ROBO1: variants seen among roughly 807,000 people sequenced by gnomAD.
The protein encoded by ROBO1 is roundabout homolog 1.
ROBO1 carries 149 observed loss-of-function variants against 195.9 expected under a neutral mutation model. The observed-to-expected ratio is 0.76, with a 90% CI of 0.67 to 0.87. The LOEUF (loss-of-function observed/expected upper bound fraction) is 0.87, where lower values mean the gene tolerates loss of function less well. ROBO1 is among the 40% of genes least tolerant of loss of function. ROBO1 has a pLI of 0.00. For synonymous variants in ROBO1, 816 were observed against 733.2 expected (o/e 1.11, Z -1.82); for missense variants, 1,933 against 2,068.3 (o/e 0.93, Z 1.27).
chr3:79,719,547 A>G (rs900713358), intron 1 of ROBO1, among the ~76,000 whole-genome samples: 3 of 152,160 alleles, frequency 2.0e-5, no homozygotes, highest in Non-Finnish European at 4.4e-5. Flanking sequence ...GCATTATCCA[A>G]TGTTGGTGGG....
chr3:79,481,524 T>C (rs1319529591), intron 2 of ROBO1, among the ~76,000 whole-genome samples: 1 of 152,194 alleles, frequency 6.6e-6, no homozygotes, highest in African/African-American at 2.4e-5. Flanking sequence ...ATTAATGCAT[T>C]CCTTTCCCAT....
intron 1 of ROBO1, among the ~76,000 whole-genome samples, chr3:79,625,423 G>GAAAAAAAAA: frequency 1.4e-4 from 2 of 13,880 alleles, no homozygotes; most frequent in African/African-American, 2.3e-4. Flanking sequence ...TGTTTTTTTT[G>GAAAAAAAAA]AAAAAAAAAA....
At chr3:79,350,274 G>A (rs972746246) in intron 2 of ROBO1, among the ~76,000 whole-genome samples, 2 of 152,164 alleles carry the variant, frequency 1.3e-5, no homozygotes, top group East Asian at 3.9e-4. Context: ...TAGGATGGCT[G>A]TAATAAAAAA....
intron 2 of ROBO1, among the ~76,000 whole-genome samples, chr3:79,186,548 G>A (rs942571854): frequency 5.3e-5 from 8 of 151,942 alleles, no homozygotes. Flanking sequence ...GCATCTTTAT[G>A]CCCAATTTGG....
chr3:79,239,117 T>C (rs1475053404), intron 2 of ROBO1, among the ~76,000 whole-genome samples: 2 of 152,204 alleles, frequency 1.3e-5, no homozygotes, highest in East Asian at 1.9e-4. Flanking sequence ...GTCTGAATTA[T>C]GATCAAATCT....
At chr3:79,332,770 A>C (rs976297478) in intron 2 of ROBO1, among the ~76,000 whole-genome samples, 3 of 152,266 alleles carry the variant, frequency 2.0e-5, no homozygotes, top group Admixed American at 1.3e-4. Flanking sequence ...GAATTAATTA[A>C]GTCCTAAAGA....
chr3:79,645,412 G>A (rs1349155589), intron 1 of ROBO1, among the ~76,000 whole-genome samples: 3 of 152,042 alleles, frequency 2.0e-5, no homozygotes, highest in African/African-American at 7.2e-5. Context: ...TGGGGCAGGA[G>A]GATCCTTTGA....
chr3:79,025,499 C>T (rs962875791), intron 3 of ROBO1, among the ~76,000 whole-genome samples: 1 of 152,090 alleles, frequency 6.6e-6, no homozygotes, highest in East Asian at 1.9e-4. Flanking sequence ...TGAGTAGGCA[C>T]TCAGATGTTT....
At chr3:79,222,644 C>T (rs2082160463) in intron 2 of ROBO1, among the ~76,000 whole-genome samples, 1 of 150,974 alleles carries the variant, frequency 6.6e-6, no homozygotes, top group South Asian at 2.1e-4. Context: ...AACAGAAGGA[C>T]ATATTCCCAT....
rs1229998823 is a variant in ROBO1 at position 78,711,329 on chromosome 3, TTCCTTCCTTCCTTCCTTCC to T, written c.1045+3049_1045+3067del. Among the ~76,000 whole-genome samples, 78 of 95,096 alleles carry T rather than the reference TTCCTTCCTTCCTTCCTTCC, an allele frequency of 8.2e-4. 4 individuals carry two copies. The highest frequency in any genetic ancestry group is 3.2e-3 in the African/African-American group (77 of 23,928). The allele number at this position is 95,096 out of a possible 152,430, so 62.4% of individuals were successfully genotyped here. The stretch of plus-strand genomic sequence containing the variant: ...TTTCTTTCTTTCTCTCTCTCTCTCC[TTCCTTCCTTCCTTCCTTCC>T]TCCTTCCTTCCTTCCTTCCTTCCTT... On this transcript the variant is annotated intron_variant, in intron 8 of 30. Coordinates refer to ENST00000464233, the MANE Select transcript of ROBO1 (RefSeq NM_002941.4).
intron 4 of ROBO1, among the ~76,000 whole-genome samples, chr3:78,919,870 A>G (rs2107589454): frequency 6.6e-6 from 1 of 152,346 alleles, no homozygotes; most frequent in Middle Eastern, 3.4e-3. Flanking sequence ...TCTTGTGATA[A>G]CTTGATTTGC....
chr3:78,928,438 T>C (rs1045364302), intron 4 of ROBO1, among the ~76,000 whole-genome samples: 1 of 151,930 alleles, frequency 6.6e-6, no homozygotes, highest in African/African-American at 2.4e-5. Flanking sequence ...TAATTACTTT[T>C]TAAAAAGAAA....
At chr3:79,522,705 A>G (rs1211131817) in intron 2 of ROBO1, among the ~76,000 whole-genome samples, 3 of 152,206 alleles carry the variant, frequency 2.0e-5, no homozygotes, top group Non-Finnish European at 2.9e-5. Context: ...ATGTATCGAT[A>G]CGTCATTATT....
chr3:79,452,369 T>G (rs1260622814), intron 2 of ROBO1, among the ~76,000 whole-genome samples: 1 of 152,062 alleles, frequency 6.6e-6, no homozygotes, highest in Admixed American at 6.6e-5. Context: ...GAGCATCACT[T>G]TTTGAGAGAG....
chr3:78,853,878 A>G (rs536081205), intron 4 of ROBO1, among the ~76,000 whole-genome samples: 1 of 152,072 alleles, frequency 6.6e-6, no homozygotes, highest in South Asian at 2.1e-4. Context: ...GTTTCCCCAT[A>G]TAAAACCATC....
chr3:78,643,094 C>T (rs1706066710), intron 21 of ROBO1, among the ~76,000 whole-genome samples: 1 of 152,096 alleles, frequency 6.6e-6, no homozygotes, highest in Non-Finnish European at 1.5e-5. Flanking sequence ...CTGCATCCTC[C>T]AGGAACTCAC....
intron 2 of ROBO1, among the ~76,000 whole-genome samples, chr3:79,568,816 T>G (rs1237199279): frequency 2.0e-5 from 3 of 152,200 alleles, no homozygotes. Flanking sequence ...AAAATGGTGA[T>G]GAATATAGTA....
In ROBO1 at chr3:79,199,466, T is replaced by C. The variant is rs80048647; in HGVS notation, c.89-73927A>G. Reference sequence around the variant, plus strand: ...GCTAAAATGGCTCCAACTGGAATTTTACAAATTGTCTCTCATTCAGGTAGG... The same window carrying C: ...GCTAAAATGGCTCCAACTGGAATTTCACAAATTGTCTCTCATTCAGGTAGG... On this transcript the variant is annotated intron_variant, in intron 2 of 30. Transcript: ENST00000464233. Among the ~76,000 whole-genome samples, 830 of 151,912 alleles carry C rather than the reference T, an allele frequency of 5.5e-3. 8 individuals are homozygous for C. The highest frequency in any genetic ancestry group is 0.019 in the African/African-American group (785 of 41,512).
chr3:79,011,823 A>G (rs985305870), intron 3 of ROBO1, among the ~76,000 whole-genome samples: 2 of 152,050 alleles, frequency 1.3e-5, no homozygotes, highest in Admixed American at 1.3e-4. Flanking sequence ...AAATCAAGAG[A>G]TAACATATAC....
Sources: gnomAD v4.1 joint callset for allele counts (sites outside exome capture counted in the v4.1 genomes callset) on GRCh38, gnomAD v4.1.1 for gene constraint, MANE v1.5 for transcripts, NCBI Gene and HGNC (gene_info 2026-07-23, HGNC 2026-07-21) for gene names.